The following TMEM39B variants were observed in gnomAD, a reference collection of about 807,000 sequenced individuals.
TMEM39B encodes the protein transmembrane protein 39B.
Under a neutral mutation model 52.2 loss-of-function variants are expected in TMEM39B, and 23 were observed. That is an observed-to-expected ratio of 0.44 (90% CI 0.32 to 0.62). The LOEUF is 0.62. Among genes scored for constraint, TMEM39B ranks in the 20% least tolerant of loss-of-function variants. The pLI is 0.06. For synonymous variants in TMEM39B, 285 were observed against 264.0 expected (o/e 1.08, Z -0.77); for missense variants, 547 against 642.0 (o/e 0.85, Z 1.60).
chr1:32,086,766 C>CAA (rs894389649), intron 5 of TMEM39B, among the ~76,000 whole-genome samples: 3 of 137,150 alleles, frequency 2.2e-5, no homozygotes, highest in Admixed American at 7.4e-5. Flanking sequence ...GGCCCTGTCT[C>CAA]AAAAAAAAAA....
chr1:32,097,364 T>A (rs2124496287), intron 7 of TMEM39B, among the ~76,000 whole-genome samples: 1 of 151,062 alleles, frequency 6.6e-6, no homozygotes, highest in East Asian at 2.0e-4. Context: ...AGAGTGTCAC[T>A]CTGTCACCCA....
intron 5 of TMEM39B, among the ~76,000 whole-genome samples, chr1:32,089,832 C>T (rs934309143): frequency 2.0e-5 from 3 of 151,648 alleles, no homozygotes; most frequent in African/African-American, 2.4e-5. Context: ...GAGTTCAAGA[C>T]CAGCGTGGCC....
chr1:32,083,994 G>GACACACACACAC (rs59029097), intron 5 of TMEM39B, among the ~76,000 whole-genome samples: 1 of 150,416 alleles, frequency 6.6e-6, no homozygotes, highest in Admixed American at 6.6e-5. Flanking sequence ...CAGACACACA[G>GACACACACACAC]ACACACACAC....
intron 5 of TMEM39B, among the ~76,000 whole-genome samples, chr1:32,082,573 A>G (rs756444478): frequency 2.2e-4 from 32 of 147,876 alleles, no homozygotes; most frequent in Non-Finnish European, 3.7e-4. Context: ...TCCTGCCTCA[A>G]CCTCCCGAGT....
At chr1:32,075,555 G>A in intron 2 of TMEM39B, 48 bp from the exon 3 acceptor site, 2 of 1,520,628 alleles carry the variant, frequency 1.3e-6, no homozygotes, top group Non-Finnish European at 1.8e-6. Flanking sequence ...GCCCTTCCTG[G>A]TAGGATTCTC....
chr1:32,102,693 G>A lies in TMEM39B; in HGVS notation c.*20G>A. The A allele has an allele frequency of 6.7e-7, 1 of 1,496,202 alleles. No homozygotes were observed. Among genetic ancestry groups the A allele is most frequent in the Non-Finnish European group, 8.9e-7 (1 of 1,117,806 alleles). The allele number at this position is 1,496,202 out of a possible 1,614,324, so 92.7% of individuals were successfully genotyped here. ...TCCTGAGCCCTGGGGTCACCTCAGG[G>A]ACAGCGTCCAGGCTTCAGCCAAGGG... On this transcript the variant is annotated 3_prime_UTR_variant, in exon 9 of 9. Coordinates refer to ENST00000336294, the MANE Select transcript of TMEM39B (RefSeq NM_018056.4).
At chr1:32,082,633 T>A (rs1640153774) in intron 5 of TMEM39B, among the ~76,000 whole-genome samples, 1 of 151,314 alleles carries the variant, frequency 6.6e-6, no homozygotes. Context: ...TTTTTGTATT[T>A]TTAGTAGAGA....
chr1:32,086,972 T>A (rs1640376213), intron 5 of TMEM39B: 1 of 151,970 alleles, frequency 6.6e-6, no homozygotes, highest in Admixed American at 6.6e-5. Context: ...ACTCGAGAGG[T>A]CAGAGGATTG....
intron 5 of TMEM39B, among the ~76,000 whole-genome samples, chr1:32,082,110 T>C (rs1192390746): frequency 6.6e-6 from 1 of 150,670 alleles, no homozygotes; most frequent in Non-Finnish European, 1.5e-5. Context: ...CCCTATACTT[T>C]TTTTTTCCAT....
chr1:32,099,577 G>A (rs963901706), intron 7 of TMEM39B, among the ~76,000 whole-genome samples: 2 of 152,138 alleles, frequency 1.3e-5, no homozygotes, highest in Non-Finnish European at 2.9e-5. Context: ...GCTTTGGGAA[G>A]GGCAATCCAA....
intron 1 of TMEM39B, 59 bp downstream of exon 1, chr1:32,073,110 C>T: frequency 7.2e-7 from 1 of 1,392,490 alleles, no homozygotes; most frequent in Non-Finnish European, 9.4e-7. Context: ...TTAGGATGGC[C>T]AGGCTGCTAA....
intron 7 of TMEM39B, among the ~76,000 whole-genome samples, chr1:32,096,370 T>G (rs1182299117): frequency 6.6e-6 from 1 of 152,046 alleles, no homozygotes; most frequent in Admixed American, 6.6e-5. Flanking sequence ...GTTTGCTTAG[T>G]TACCTGCCTG....
intron 7 of TMEM39B, among the ~76,000 whole-genome samples, chr1:32,100,081 G>A (rs1283634988): frequency 4.6e-5 from 7 of 152,122 alleles, no homozygotes; most frequent in Admixed American, 4.6e-4. Context: ...TTTAAGCAGA[G>A]GGTGGTCAGG....
intron 4 of TMEM39B, 75 bp downstream of exon 4, chr1:32,076,921 C>T (rs967202049): frequency 2.0e-6 from 3 of 1,508,146 alleles, no homozygotes; most frequent in Non-Finnish European, 2.8e-6. Flanking sequence ...GAAACATGCC[C>T]AGCCCTTCAG....
chr1:32,084,605 TGTC>T (rs913250089), intron 5 of TMEM39B, among the ~76,000 whole-genome samples: 12 of 152,170 alleles, frequency 7.9e-5, no homozygotes, highest in African/African-American at 2.9e-4. Context: ...AGTCTCGCTC[TGTC>T]GCCCAGGGTG....
intron 5 of TMEM39B, among the ~76,000 whole-genome samples, chr1:32,083,986 G>GACACACACACACACACACACACACACAC (rs779224876): frequency 5.2e-4 from 79 of 151,520 alleles, no homozygotes; most frequent in African/African-American, 1.8e-3. Context: ...CCCTGTTTCA[G>GACACACACACACACACACACACACACAC]ACACACAGAC....
At position 32,091,807 on chromosome 1, in the gene TMEM39B, A is replaced by G; in HGVS notation, c.723A>G (p.Thr241=). The G allele has an allele frequency of 1.9e-6, 3 of 1,614,244 alleles. No homozygotes were observed. Among genetic ancestry groups the G allele is most frequent in the Non-Finnish European group, 2.5e-6 (3 of 1,180,046 alleles). The stretch of plus-strand genomic sequence containing the variant: ...CAAAGAGCCGGGACTACCTCCTGAC[A>G]CTGCGGGAGACGTGGAAGCAGCACA... ...GLAKSRDYLL[T]LRETWKQHTR... Residue 241 remains threonine (T), a synonymous_variant, in exon 6 of 9, where the codon ACA becomes ACG. Coordinates refer to ENST00000336294, the MANE Select transcript of TMEM39B (RefSeq NM_018056.4).
Position 32,077,193 on chromosome 1 carries a change from T to G in TMEM39B, c.465T>G (p.Phe155Leu), listed in dbSNP as rs1012050500. 1.9e-6 allele frequency: 3 copies of G among 1,614,046 alleles called. No homozygotes were observed. The African/African-American group carries it at 4.0e-5, about 22-fold the overall frequency. ...EASQRGKVSL[F>L]RSILLFLTRF... is the part of the protein sequence containing the mutation. ...CTCAGAGGGGGAAGGTCTCCCTCTT[T>G]CGCTCCATCCTGCTGTTCCTCACTC... The change falls in exon 5 of 9, where the codon TTT becomes TTG. Residue 155 changes from phenylalanine (F) to leucine (L), a missense_variant. Coordinates refer to ENST00000336294, the MANE Select transcript of TMEM39B (RefSeq NM_018056.4).
intron 5 of TMEM39B, among the ~76,000 whole-genome samples, chr1:32,078,167 A>G (rs1399564586): frequency 6.6e-6 from 1 of 152,084 alleles, no homozygotes; most frequent in Admixed American, 6.6e-5. Context: ...CACTTCCTTC[A>G]GTTATATCTA....
Sources: gnomAD v4.1 joint callset for allele counts (sites outside exome capture counted in the v4.1 genomes callset) on GRCh38, gnomAD v4.1.1 for gene constraint, MANE v1.5 for transcripts, NCBI Gene and HGNC (gene_info 2026-07-23, HGNC 2026-07-21) for gene names.